Variants in C6orf89 observed in about 807,000 individuals in gnomAD.
C6orf89 encodes bombesin receptor-activated protein C6orf89.
C6orf89 carries 29 observed loss-of-function variants against 40.7 expected under a neutral mutation model. The ratio of observed to expected loss-of-function variants is 0.71; its 90% CI spans 0.53 to 0.97. C6orf89 has a LOEUF of 0.97. Ranked by LOEUF, C6orf89 falls within the 50% of genes least tolerant of loss-of-function variation. The pLI, the probability that C6orf89 is intolerant of heterozygous loss-of-function variation, is 0.00. For missense variants in C6orf89, 392 were observed against 429.1 expected, an observed-to-expected ratio of 0.91 and a Z score of 0.76; for synonymous variants, 165 against 152.2, an observed-to-expected ratio of 1.08 and a Z score of -0.62.
chr6:36,887,175 C>A (rs555868226), intron 1 of C6orf89, among the ~76,000 whole-genome samples: 14 of 151,120 alleles, frequency 9.3e-5, no homozygotes, highest in African/African-American at 3.4e-4. Flanking sequence ...AGTGCAGTGG[C>A]GTGATCTCTG....
At chr6:36,902,537 A>G (rs1583173673) in intron 4 of C6orf89, 103 bp downstream of exon 4, 3 of 983,256 alleles carry the variant, frequency 3.1e-6, no homozygotes, top group East Asian at 2.5e-5. Context: ...CAAGCTCCCT[A>G]TATTGTATCT....
chr6:36,891,553 C>G (rs1042626428), intron 1 of C6orf89, among the ~76,000 whole-genome samples: 1 of 152,236 alleles, frequency 6.6e-6, no homozygotes, highest in South Asian at 2.1e-4. Flanking sequence ...AGTTCTAGAT[C>G]CTTGAGGAAT....
chr6:36,916,415 T>A (rs1467250072), intron 6 of C6orf89, 30 bp from the exon 7 acceptor site: 4 of 1,612,768 alleles, frequency 2.5e-6, no homozygotes, highest in Non-Finnish European at 2.5e-6. Flanking sequence ...ACCAGTTTAA[T>A]TACTTTTTTT....
intron 1 of C6orf89, 22 bp from the exon 2 acceptor site, chr6:36,894,482 T>C (rs1761349788): frequency 1.0e-6 from 1 of 969,092 alleles, no homozygotes; most frequent in Non-Finnish European, 1.2e-6. Context: ...TGTAATAAGT[T>C]ATCCCTTTAC....
chr6:36,882,725 TTCTTTTTTC>T (rs1198575593), upstream of C6orf89, among the ~76,000 whole-genome samples: 502 of 65,546 alleles, frequency 7.7e-3, 16 homozygotes, highest in African/African-American at 0.016. Context: ...TTTTTTTTTT[TTCTTTTTTC>T]TTTTTTTTTT....
At chr6:36,878,217 T>C (rs1448737839) in intron 1 of C6orf89, among the ~76,000 whole-genome samples, 6 of 152,356 alleles carry the variant, frequency 3.9e-5, no homozygotes, top group Admixed American at 2.6e-4. Flanking sequence ...TTGTCATAAA[T>C]CAAGTGTCCA....
intron 3 of C6orf89, among the ~76,000 whole-genome samples, chr6:36,900,814 A>C (rs1358868589): frequency 2.0e-5 from 3 of 151,594 alleles, no homozygotes; most frequent in Non-Finnish European, 4.4e-5. Context: ...CTGGGGTTAC[A>C]GGTGTGAGCC....
rs1774978766 is a variant in C6orf89, at chr6:36,886,164, C to CA, written c.-120+137dup. On this transcript the variant is annotated intron_variant, in intron 1 of 8. Coordinates refer to ENST00000480824, the MANE Select transcript of C6orf89 (RefSeq NM_001286635.2). Reference sequence around the variant, plus strand: ...CTATCCCAGCGCGGATCCCTTTTCTCAGTCTCTCCAGTTTTGTAGACTGAC... The same window carrying CA: ...CTATCCCAGCGCGGATCCCTTTTCTCAAGTCTCTCCAGTTTTGTAGACTGAC... The CA allele has an allele frequency of 6.3e-6, 5 of 796,264 alleles. No individual in the cohort carries two copies. In the Admixed American group the frequency reaches 2.2e-4, roughly 34 times the overall value. The allele number at this position is 796,264 out of a possible 1,614,324, so 49.3% of individuals were successfully genotyped here.
intron 4 of C6orf89, among the ~76,000 whole-genome samples, chr6:36,906,351 C>A (rs568709885): frequency 5.9e-5 from 9 of 152,278 alleles, no homozygotes; most frequent in Admixed American, 3.3e-4. Context: ...TTACTGTATA[C>A]CAGGTACTGT....
Position 36,919,009 on chromosome 6 carries a change from T to C in C6orf89, c.826-569T>C, listed in dbSNP as rs184907336. Reference sequence around the variant, plus strand: ...TGCTCCCCTGGGTCTTGCCAGGCAGTGTAAACTTAAACTTGCTGCTGTACA... The same window carrying C: ...TGCTCCCCTGGGTCTTGCCAGGCAGCGTAAACTTAAACTTGCTGCTGTACA... On this transcript the variant is annotated intron_variant, in intron 7 of 8. Coordinates refer to ENST00000480824, the MANE Select transcript of C6orf89 (RefSeq NM_001286635.2). 9.8e-4 allele frequency among the ~76,000 whole-genome samples: 149 copies of C among 152,350 alleles called. 2 individuals are homozygous for C. Among genetic ancestry groups the C allele is most frequent in the Middle Eastern group, 3.4e-3 (1 of 294 alleles).
chr6:36,890,774 A>G (rs1020444605), intron 1 of C6orf89, among the ~76,000 whole-genome samples: 10 of 152,256 alleles, frequency 6.6e-5, no homozygotes, highest in Admixed American at 5.9e-4. Flanking sequence ...CCTGGCCCCA[A>G]GTGATCCACC....
intron 3 of C6orf89, 65 bp from the exon 4 acceptor site, chr6:36,902,156 T>G (rs1035658621): frequency 9.2e-6 from 13 of 1,406,488 alleles, no homozygotes; most frequent in African/African-American, 1.4e-5. Context: ...TTTTGTTTTG[T>G]TTTTTTTCTT....
chr6:36,910,341 G>A (rs1020288658), intron 4 of C6orf89, among the ~76,000 whole-genome samples: 1 of 152,040 alleles, frequency 6.6e-6, no homozygotes, highest in Non-Finnish European at 1.5e-5. Flanking sequence ...GAAAGGGTAG[G>A]AATCTAACTT....
At chr6:36,885,875 C>G (rs1220901452), upstream of C6orf89, 10 of 588,186 alleles carry the variant, frequency 1.7e-5, no homozygotes, top group African/African-American at 1.6e-4. Context: ...AAGCGCTGGA[C>G]GAGAGGAGGA....
intron 4 of C6orf89, among the ~76,000 whole-genome samples, chr6:36,908,906 G>C (rs976065261): frequency 6.6e-6 from 1 of 152,068 alleles, no homozygotes; most frequent in Admixed American, 6.6e-5. Context: ...TTATCTTCAC[G>C]TGGCCATCTG....
At position 36,889,417 on chromosome 6, in the gene C6orf89, A is replaced by C. The variant is rs1408381394; in HGVS notation, c.-120+3389A>C. ...CAACCCCCAAAGGAGCTTTCCTCTG[A>C]AGGGAGGGAGGGAGAGAGTACCAGA... On this transcript the variant is annotated intron_variant, in intron 1 of 8. Transcript: ENST00000480824. Among the ~76,000 whole-genome samples the C allele has an allele frequency of 2.0e-5, 3 of 152,156 alleles. No individual in the cohort carries two copies. The East Asian group carries it at 5.8e-4, about 29-fold the overall frequency.
rs1039533100 is a variant in C6orf89 at position 36,886,064 on chromosome 6, G to T, written c.-120+36G>T. 43 of 1,163,992 alleles carry T rather than the reference G, an allele frequency of 3.7e-5. No individual in the cohort carries two copies. The South Asian group carries it at 6.4e-4, about 17-fold the overall frequency. 72.1% of individuals were successfully genotyped at this position (1,163,992 alleles called of 1,614,324 possible). The stretch of plus-strand genomic sequence containing the variant: ...GGGGCCCGAGGCTGGGTGGGGGGAG[G>T]CCGCCCTGTGACAGCCTCGCCGCGC... On this transcript the variant is annotated intron_variant, in intron 1 of 8. Transcript: ENST00000480824.
chr6:36,881,894 T>C (rs1231354961), upstream of C6orf89, among the ~76,000 whole-genome samples: 1 of 152,158 alleles, frequency 6.6e-6, no homozygotes, highest in Non-Finnish European at 1.5e-5. Flanking sequence ...ATGGTCAAAC[T>C]AATTAAAACT....
chr6:36,919,012 A>G (rs1425625048), intron 7 of C6orf89, among the ~76,000 whole-genome samples: 2 of 152,212 alleles, frequency 1.3e-5, no homozygotes, highest in Non-Finnish European at 2.9e-5. Flanking sequence ...CAGGCAGTGT[A>G]AACTTAAACT....
Sources: allele counts gnomAD v4.1 joint callset (sites outside exome capture counted in the v4.1 genomes callset), GRCh38; gene constraint gnomAD v4.1.1; transcripts MANE v1.5; gene names NCBI Gene and HGNC (gene_info 2026-07-23, HGNC 2026-07-21).